SLC22A3: variants seen among roughly 807,000 people sequenced by gnomAD.
SLC22A3 encodes the protein solute carrier family 22 member 3.
A neutral mutation model predicts 59.1 loss-of-function variants in SLC22A3; 51 were observed. The observed-to-expected ratio is 0.86, with a 90% CI of 0.69 to 1.09. The LOEUF (loss-of-function observed/expected upper bound fraction) is 1.09, where lower values mean the gene tolerates loss of function less well. Among genes scored for constraint, SLC22A3 ranks in the 50% least tolerant of loss-of-function variants. SLC22A3 has a pLI of 0.00. For missense variants in SLC22A3, 711 were observed against 726.3 expected (o/e 0.98, Z 0.24); for synonymous variants, 325 against 292.0 (o/e 1.11, Z -1.15).
intron 2 of SLC22A3, among the ~76,000 whole-genome samples, 190 bp from the exon 3 acceptor site, chr6:160,406,851 C>T (rs1030197487): frequency 6.6e-6 from 1 of 152,136 alleles, no homozygotes; most frequent in Non-Finnish European, 1.5e-5. Context: ...AGGATGCATT[C>T]TGTACTTTAA....
intron 7 of SLC22A3, among the ~76,000 whole-genome samples, chr6:160,441,569 T>A (rs1788540061): frequency 6.6e-6 from 1 of 151,910 alleles, no homozygotes; most frequent in Non-Finnish European, 1.5e-5. Flanking sequence ...TCCTTACACC[T>A]GTGCTCCTGG....
intron 1 of SLC22A3, among the ~76,000 whole-genome samples, chr6:160,395,771 G>A (rs1327402080): frequency 6.6e-6 from 1 of 152,090 alleles, no homozygotes; most frequent in Non-Finnish European, 1.5e-5. Context: ...AACTACTACT[G>A]CCTCCAAATT....
chr6:160,403,555 A>G (rs1786877728), intron 2 of SLC22A3, among the ~76,000 whole-genome samples: 1 of 152,000 alleles, frequency 6.6e-6, no homozygotes, highest in Non-Finnish European at 1.5e-5. Context: ...TGAGACCAGC[A>G]TTACTTTAAT....
intron 7 of SLC22A3, among the ~76,000 whole-genome samples, chr6:160,438,407 G>C (rs1219216566): frequency 1.3e-5 from 2 of 152,148 alleles, no homozygotes; most frequent in Admixed American, 6.5e-5. Context: ...CACAAAAAAG[G>C]CTGTCTTTCT....
intron 2 of SLC22A3, among the ~76,000 whole-genome samples, chr6:160,401,031 T>A (rs1786760350): frequency 8.6e-6 from 1 of 116,156 alleles, no homozygotes; most frequent in African/African-American, 3.2e-5. Context: ...AACAACCACC[T>A]GAAAAAGCAG....
At chr6:160,356,775 T>C (rs1328867670) in intron 1 of SLC22A3, among the ~76,000 whole-genome samples, 2 of 152,222 alleles carry the variant, frequency 1.3e-5, no homozygotes, top group African/African-American at 2.4e-5. Context: ...TAATGGTCTT[T>C]GGTGTGGCTT....
chr6:160,375,326 A>G (rs556240857), intron 1 of SLC22A3, among the ~76,000 whole-genome samples: 25 of 152,316 alleles, frequency 1.6e-4, no homozygotes, highest in Admixed American at 4.6e-4. Flanking sequence ...GCCAAGATAA[A>G]GACATATAAA....
chr6:160,451,027 A>G lies in SLC22A3; in HGVS notation c.1642A>G (p.Lys548Glu). 6.3e-7 allele frequency: 1 copy of G among 1,596,034 alleles called. No individual in the cohort carries two copies. Among genetic ancestry groups the G allele is most frequent in the Non-Finnish European group, 8.6e-7 (1 of 1,169,570 alleles). Reference sequence around the variant, plus strand: ...TTCCTGTAAATGTGGCAGGAATAAGAAAACCCCAGTTTCCCGCTCTCACCT... The same window carrying G: ...TTCCTGTAAATGTGGCAGGAATAAGGAAACCCCAGTTTCCCGCTCTCACCT... ...PHSCKCGRNKKTPVSRSHL is the reference protein window; with the variant it reads ...PHSCKCGRNKETPVSRSHL The change falls in exon 11 of 11, where the codon AAA becomes GAA. Residue 548 changes from lysine to glutamate, a missense_variant. By Grantham distance (56) the Lys-to-Glu change is moderately conservative. Coordinates refer to ENST00000275300, the MANE Select transcript of SLC22A3 (RefSeq NM_021977.4).
rs1583484797 is a variant in SLC22A3, at chr6:160,406,947, A to G, written c.534-94A>G. 3 of 1,402,866 alleles carry G rather than the reference A, an allele frequency of 2.1e-6. 1 individual carries two copies. The highest frequency in any genetic ancestry group is 5.1e-4 in the Middle Eastern group (2 of 3,960). 86.9% of individuals were successfully genotyped at this position (1,402,866 alleles called of 1,614,324 possible). ...ATAAAATGATATAATGTAATACAGT[A>G]TAATATGGTATGATATAATATTTTA... On this transcript the variant is annotated intron_variant, in intron 2 of 10. Transcript: ENST00000275300.
chr6:160,417,730 T>C (rs1425399086), intron 5 of SLC22A3, among the ~76,000 whole-genome samples: 2 of 152,108 alleles, frequency 1.3e-5, no homozygotes, highest in Non-Finnish European at 2.9e-5. Context: ...GAGACCTGCT[T>C]TGGCCAATGG....
intron 1 of SLC22A3, among the ~76,000 whole-genome samples, chr6:160,373,721 T>C (rs1785484666): frequency 6.6e-6 from 1 of 152,188 alleles, no homozygotes; most frequent in South Asian, 2.1e-4. Context: ...AGGAGGAATC[T>C]AGAGAGGCAG....
At chr6:160,389,601 G>A (rs1191478373) in intron 1 of SLC22A3, among the ~76,000 whole-genome samples, 1 of 152,196 alleles carries the variant, frequency 6.6e-6, no homozygotes, top group East Asian at 1.9e-4. Context: ...TCTCCTCCTA[G>A]CCCACTGGTA....
At chr6:160,399,917 A>G (rs1786693280) in intron 2 of SLC22A3, among the ~76,000 whole-genome samples, 1 of 152,026 alleles carries the variant, frequency 6.6e-6, no homozygotes, top group African/African-American at 2.4e-5. Flanking sequence ...AAATAGAAAG[A>G]CAGGAGAATA....
At chr6:160,429,718 G>A (rs1220831262) in intron 5 of SLC22A3, among the ~76,000 whole-genome samples, 4 of 152,114 alleles carry the variant, frequency 2.6e-5, no homozygotes, top group African/African-American at 9.7e-5. Context: ...GGTTGCGTAC[G>A]TGGTATTTGC....
intron 1 of SLC22A3, among the ~76,000 whole-genome samples, chr6:160,372,962 G>A (rs2114777589): frequency 6.6e-6 from 1 of 152,212 alleles, no homozygotes; most frequent in Non-Finnish European, 1.5e-5. Context: ...TAGCTCAGAG[G>A]AGTTTGTTAT....
chr6:160,446,337 T>C (rs561489970), intron 9 of SLC22A3, among the ~76,000 whole-genome samples: 48 of 152,284 alleles, frequency 3.2e-4, no homozygotes, highest in African/African-American at 1.1e-3. Flanking sequence ...ACTGCTACCA[T>C]ATTAGTTCGT....
At chr6:160,404,378 C>A (rs1320003879) in intron 2 of SLC22A3, among the ~76,000 whole-genome samples, 2 of 152,130 alleles carry the variant, frequency 1.3e-5, no homozygotes, top group East Asian at 3.9e-4. Flanking sequence ...AGATATAAAT[C>A]TAACAACATA....
intron 5 of SLC22A3, among the ~76,000 whole-genome samples, chr6:160,434,263 T>C (rs538126453): frequency 2.0e-4 from 30 of 152,342 alleles, no homozygotes; most frequent in African/African-American, 5.8e-4. Flanking sequence ...AAGATTCAGT[T>C]TTAGGTCAAG....
intron 9 of SLC22A3, among the ~76,000 whole-genome samples, chr6:160,445,108 C>T (rs909668709): frequency 6.6e-6 from 1 of 152,216 alleles, no homozygotes; most frequent in African/African-American, 2.4e-5. Context: ...AGCCGAATTT[C>T]TAAAAACTCA....
Sources: gnomAD v4.1 joint callset for allele counts (sites outside exome capture counted in the v4.1 genomes callset) on GRCh38, gnomAD v4.1.1 for gene constraint, MANE v1.5 for transcripts, NCBI Gene and HGNC (gene_info 2026-07-23, HGNC 2026-07-21) for gene names.